The following FAM117B variants were observed in gnomAD, a reference collection of about 807,000 sequenced individuals.
FAM117B encodes family with sequence similarity 117 member B, also known as protein FAM117B.
FAM117B carries 22 observed loss-of-function variants against 52.8 expected under a neutral mutation model. The observed-to-expected ratio is 0.42, with a 90% confidence interval of 0.30 to 0.59. FAM117B has a LOEUF of 0.59. Among genes scored for constraint, FAM117B ranks in the 20% least tolerant of loss-of-function variants. The probability of loss-of-function intolerance (pLI) is 0.22; values close to 1 mark genes in which losing one functional copy is unlikely to be tolerated. For synonymous variants in FAM117B, 309 were observed against 324.1 expected (o/e 0.95, Z 0.50); for missense variants, 678 against 802.6 (o/e 0.84, Z 1.88).
chr2:202,723,515 A>G (rs1271091766), intron 2 of FAM117B, among the ~76,000 whole-genome samples: 3 of 152,188 alleles, frequency 2.0e-5, no homozygotes, highest in African/African-American at 7.2e-5. Flanking sequence ...GGCAGTTGCT[A>G]TACACACGGT....
chr2:202,691,141 A>G (rs930480386), intron 1 of FAM117B, among the ~76,000 whole-genome samples: 2 of 152,146 alleles, frequency 1.3e-5, no homozygotes, highest in Non-Finnish European at 2.9e-5. Flanking sequence ...CTGGCTGGGC[A>G]TGGTGGCTCA....
intron 1 of FAM117B, among the ~76,000 whole-genome samples, chr2:202,677,153 C>T (rs1254681787): frequency 2.0e-5 from 3 of 151,822 alleles, no homozygotes; most frequent in Non-Finnish European, 2.9e-5. Flanking sequence ...CTACAACCTC[C>T]GCCTCCGGGG....
chr2:202,752,582 G>C (rs1362239800), intron 4 of FAM117B, among the ~76,000 whole-genome samples: 1 of 151,908 alleles, frequency 6.6e-6, no homozygotes, highest in Admixed American at 6.6e-5. Context: ...CTTTGTCTTT[G>C]TCTGTTACCT....
At chr2:202,686,515 C>T (rs1484051510) in intron 1 of FAM117B, among the ~76,000 whole-genome samples, 1 of 152,170 alleles carries the variant, frequency 6.6e-6, no homozygotes, top group Non-Finnish European at 1.5e-5. Context: ...CCGCGCCCAT[C>T]GGTAGGCTAT....
At chr2:202,660,503 G>A (rs1690112936) in intron 1 of FAM117B, among the ~76,000 whole-genome samples, 1 of 152,058 alleles carries the variant, frequency 6.6e-6, no homozygotes, top group Non-Finnish European at 1.5e-5. Context: ...CTTAATTTAG[G>A]TCTGAAGATC....
At chr2:202,729,445 A>G (rs965924427) in intron 4 of FAM117B, among the ~76,000 whole-genome samples, 2 of 152,230 alleles carry the variant, frequency 1.3e-5, no homozygotes, top group African/African-American at 4.8e-5. Flanking sequence ...GCCACACGAT[A>G]CATGTGTACT....
chr2:202,685,514 T>G (rs1308539901), intron 1 of FAM117B, among the ~76,000 whole-genome samples: 1 of 152,150 alleles, frequency 6.6e-6, no homozygotes, highest in Admixed American at 6.5e-5. Flanking sequence ...TCCTAAAATT[T>G]ATATGAAACT....
At chr2:202,642,245 G>A (rs545415171) in intron 1 of FAM117B, among the ~76,000 whole-genome samples, 8 of 149,868 alleles carry the variant, frequency 5.3e-5, no homozygotes, top group Middle Eastern at 3.5e-3. Flanking sequence ...GAGCCACCAC[G>A]CCCAGCCAGA....
intron 4 of FAM117B, among the ~76,000 whole-genome samples, chr2:202,753,713 C>T (rs1691757733): frequency 6.6e-6 from 1 of 151,680 alleles, no homozygotes; most frequent in South Asian, 2.1e-4. Flanking sequence ...TATGAACAGA[C>T]TCTTCTTAAA....
chr2:202,739,419 C>T (rs1691490080), intron 4 of FAM117B, among the ~76,000 whole-genome samples: 1 of 151,042 alleles, frequency 6.6e-6, no homozygotes, highest in Non-Finnish European at 1.5e-5. Flanking sequence ...GTCTTCCTGT[C>T]TGTCTGTCTG....
At position 202,765,870 on chromosome 2, in the gene FAM117B, T is replaced by C; in HGVS notation, c.*106T>C. 1 of 1,198,472 alleles carries C rather than the reference T, an allele frequency of 8.3e-7. No individual in the cohort carries two copies. Among genetic ancestry groups the C allele is most frequent in the Non-Finnish European group, 1.2e-6 (1 of 862,378 alleles). 74.2% of individuals were successfully genotyped at this position (1,198,472 alleles called of 1,614,324 possible). ...TGGTCGGCTGTGATGTGCTCCAGCT[T>C]TCCAGTGACATGTGACGGCGAGGCT... On this transcript the variant is annotated 3_prime_UTR_variant, in exon 8 of 8. Transcript: ENST00000392238.
chr2:202,703,105 A>G (rs1257911269), intron 2 of FAM117B, among the ~76,000 whole-genome samples: 1 of 152,188 alleles, frequency 6.6e-6, no homozygotes, highest in Non-Finnish European at 1.5e-5. Context: ...ATGTTGTGCA[A>G]CCATTGCTAA....
intron 1 of FAM117B, among the ~76,000 whole-genome samples, chr2:202,660,365 C>T (rs1690111572): frequency 6.6e-6 from 1 of 152,062 alleles, no homozygotes. Context: ...GTCATCTTAC[C>T]TTCAGTGGGC....
At chr2:202,745,479 A>G (rs1029503211) in intron 4 of FAM117B, among the ~76,000 whole-genome samples, 5 of 152,190 alleles carry the variant, frequency 3.3e-5, no homozygotes, top group Admixed American at 6.5e-5. Flanking sequence ...GAGAAAGTCA[A>G]ATATTATCAC....
intron 2 of FAM117B, among the ~76,000 whole-genome samples, chr2:202,704,891 G>T (rs1364873832): frequency 6.6e-6 from 1 of 152,082 alleles, no homozygotes; most frequent in South Asian, 2.1e-4. Context: ...GTGTGAGCCA[G>T]TGCGCCTGGC....
chr2:202,687,415 A>T (rs971386679), intron 1 of FAM117B, among the ~76,000 whole-genome samples: 8 of 151,956 alleles, frequency 5.3e-5, no homozygotes, highest in African/African-American at 1.9e-4. Flanking sequence ...ATGGGTGCAG[A>T]TTTATTTATT....
rs923608011 is a variant in FAM117B at position 202,650,808 on chromosome 2, C to T, written c.601+15020C>T. Among the ~76,000 whole-genome samples, 10 of 152,224 alleles carry T rather than the reference C, an allele frequency of 6.6e-5. No homozygotes were observed. The East Asian group carries it at 9.6e-4, about 15-fold the overall frequency. ...TGAAGGCCGGAAGACTCAGCAAGTC[C>T]GCTCTTCCAAGATCTTCTCCTGCCT... On this transcript the variant is annotated intron_variant, in intron 1 of 7. Transcript: ENST00000392238.
chr2:202,650,389 C>CT (rs984322292), intron 1 of FAM117B, among the ~76,000 whole-genome samples: 1 of 151,918 alleles, frequency 6.6e-6, no homozygotes, highest in Non-Finnish European at 1.5e-5. Flanking sequence ...AGGCCATGGA[C>CT]TTTTGGAGCA....
At chr2:202,706,621 T>C (rs566403876) in intron 2 of FAM117B, among the ~76,000 whole-genome samples, 65 of 152,352 alleles carry the variant, frequency 4.3e-4, no homozygotes, top group African/African-American at 1.4e-3. Context: ...ATTGAAAGAA[T>C]AGTCTGTAAT....
Sources: gnomAD v4.1 joint callset for allele counts (sites outside exome capture counted in the v4.1 genomes callset) on GRCh38, gnomAD v4.1.1 for gene constraint, MANE v1.5 for transcripts, NCBI Gene and HGNC (gene_info 2026-07-23, HGNC 2026-07-21) for gene names.